The following CTLA4 variants were observed in gnomAD, a reference collection of about 807,000 sequenced individuals.
CTLA4 encodes cytotoxic T-lymphocyte protein 4.
A neutral mutation model predicts 20.4 loss-of-function variants in CTLA4; 3 were observed. The ratio of observed to expected loss-of-function variants is 0.15; its 90% CI spans 0.07 to 0.38. The LOEUF (loss-of-function observed/expected upper bound fraction) is 0.38. CTLA4 is among the 10% of genes least tolerant of loss of function. The probability of loss-of-function intolerance (pLI) is 1.00; values close to 1 mark genes in which losing one functional copy is unlikely to be tolerated. For missense variants in CTLA4, 184 were observed against 276.8 expected (o/e 0.66, Z 2.38); for synonymous variants, 100 against 105.2 (o/e 0.95, Z 0.30).
chr2:203,872,270 G>T (rs1347540850), intron 3 of CTLA4, among the ~76,000 whole-genome samples: 1 of 151,728 alleles, frequency 6.6e-6, no homozygotes, highest in East Asian at 1.9e-4. Context: ...CATACACAAA[G>T]ATATACTCTA....
intron 3 of CTLA4, 105 bp downstream of exon 3, chr2:203,871,592 G>T: frequency 1.2e-6 from 1 of 867,268 alleles, no homozygotes; most frequent in Admixed American, 1.9e-5. Flanking sequence ...ATGAGATGAG[G>T]CAATAAATGA....
rs74808460 is a variant in CTLA4, at chr2:203,872,755, C to G, written c.615C>G (p.Pro205=). The G allele has an allele frequency of 2.4e-5, 39 of 1,613,654 alleles. No individual in the cohort carries two copies. The East Asian group carries it at 6.7e-4, about 28-fold the overall frequency. Residue 205 remains proline (P), a synonymous_variant, in exon 4 of 4, where the codon CCC becomes CCG. Coordinates refer to ENST00000648405, the MANE Select transcript of CTLA4 (RefSeq NM_005214.5). ...CAACAGGGGTCTATGTGAAAATGCC[C>G]CCAACAGAGCCAGAATGTGAAAAGC... ...PLTTGVYVKM[P]PTEPECEKQF...
At position 203,870,786 on chromosome 2, in the gene CTLA4, A is replaced by T; in HGVS notation, c.310A>T (p.Thr104Ser). The T allele has an allele frequency of 6.2e-7, 1 of 1,614,190 alleles. No individual in the cohort carries two copies. The highest frequency in any genetic ancestry group is 2.2e-5 in the East Asian group (1 of 44,878). Reference sequence around the variant, plus strand: ...GACCTTCCTAGATGATTCCATCTGCACGGGCACCTCCAGTGGAAATCAAGT... The same window carrying T: ...GACCTTCCTAGATGATTCCATCTGCTCGGGCACCTCCAGTGGAAATCAAGT... Reference protein sequence around the residue: ...ELTFLDDSICTGTSSGNQVNL... With the variant: ...ELTFLDDSICSGTSSGNQVNL... Residue 104 changes from threonine to serine, a missense_variant, in exon 2 of 4, where the codon ACG becomes TCG. By Grantham distance (58) the Thr-to-Ser change is moderately conservative. Around this residue, in one of 3 missense-constraint regions of CTLA4, gnomAD observed 147 missense variants for 223.4 expected, o/e 0.66. Coordinates refer to ENST00000648405, the MANE Select transcript of CTLA4 (RefSeq NM_005214.5). This position sits in a 1 kb window ranked among gnomAD's most constrained non-coding sequence, Gnocchi z 5.3.
rs1260593530 is a variant in CTLA4 at position 203,872,908 on chromosome 2, A to T, written c.*96A>T. The T allele has an allele frequency of 1.3e-6, 1 of 788,894 alleles. No homozygotes were observed. Among genetic ancestry groups the T allele is most frequent in the Non-Finnish European group, 2.1e-6 (1 of 468,728 alleles). 48.9% of individuals were successfully genotyped at this position (788,894 alleles called of 1,614,324 possible). On this transcript the variant is annotated 3_prime_UTR_variant, in exon 4 of 4. Transcript: ENST00000648405. ...TCCAGCTATTTTTATTTGTTTGTGC[A>T]TTTGGGGGGAATTCATCTCTCTTTA...
At chr2:203,871,092 G>A (rs562375170) in intron 2 of CTLA4, among the ~76,000 whole-genome samples, 159 bp downstream of exon 2, 1 of 152,288 alleles carries the variant, frequency 6.6e-6, no homozygotes, top group East Asian at 1.9e-4. Flanking sequence ...ATTGTGGGTG[G>A]CAACCTTAAT....
chr2:203,868,127 A>T (rs231776), intron 1 of CTLA4, 76 bp downstream of exon 1: 1 of 1,180,224 alleles, frequency 8.5e-7, no homozygotes, highest in African/African-American at 1.5e-5. Flanking sequence ...CAGCAGTCAA[A>T]GGCAGTGATT....
At position 203,872,981 on chromosome 2, in the gene CTLA4, G is replaced by T. The variant is rs553888670; in HGVS notation, c.*169G>T. Reference sequence around the variant, plus strand: ...CAAATTACGTGTACTACAATTTAAAGCAAAGGAGTAGAAAGACAGAGCTGG... The same window carrying T: ...CAAATTACGTGTACTACAATTTAAATCAAAGGAGTAGAAAGACAGAGCTGG... On this transcript the variant is annotated 3_prime_UTR_variant, in exon 4 of 4. Transcript: ENST00000648405. 5.0e-6 allele frequency: 3 copies of T among 602,032 alleles called. No individual in the cohort carries two copies. Among genetic ancestry groups the T allele is most frequent in the Non-Finnish European group, 3.0e-6 (1 of 338,584 alleles). The allele number at this position is 602,032 out of a possible 1,614,324, so 37.3% of individuals were successfully genotyped here.
intron 1 of CTLA4, 53 bp downstream of exon 1, chr2:203,868,104 G>T: frequency 7.5e-7 from 1 of 1,325,462 alleles, no homozygotes; most frequent in Non-Finnish European, 1.1e-6. Context: ...TCCTACCTGG[G>T]TTTCATTTGT....
At chr2:203,869,430 C>T (rs1688687923) in intron 1 of CTLA4, among the ~76,000 whole-genome samples, 1 of 152,194 alleles carries the variant, frequency 6.6e-6, no homozygotes, top group African/African-American at 2.4e-5. Context: ...TGCTGCCAAA[C>T]TGTTTTCTCT....
In CTLA4 at chr2:203,867,886, G is replaced by T. The variant is rs1303896316; in HGVS notation, c.-57G>T. 17 of 1,295,108 alleles carry T rather than the reference G, an allele frequency of 1.3e-5. No individual in the cohort carries two copies. Among genetic ancestry groups the T allele is most frequent in the Non-Finnish European group, 1.8e-5 (16 of 897,410 alleles). 80.2% of individuals were successfully genotyped at this position (1,295,108 alleles called of 1,614,324 possible). A position where few individuals can be genotyped will look rare whatever the true frequency, so the allele number is the denominator to read the frequency against. ...GTTCAAACACATTTCAAAGCTTCAGGATCCTGAAAGGTTTTGCTCTACTTC... is the reference window on the plus strand; with the variant it reads ...GTTCAAACACATTTCAAAGCTTCAGTATCCTGAAAGGTTTTGCTCTACTTC... On this transcript the variant is annotated 5_prime_UTR_variant, in exon 1 of 4. Transcript: ENST00000648405.
intron 3 of CTLA4, among the ~76,000 whole-genome samples, chr2:203,872,341 A>G (rs1688748467): frequency 6.6e-6 from 1 of 152,148 alleles, no homozygotes; most frequent in Admixed American, 6.5e-5. Flanking sequence ...AGCAGTGGGG[A>G]TGAGAAATAC....
rs1559592752 is a variant in CTLA4, at chr2:203,873,339, TA to T, written c.*528del. ...TATTGCATATATACATATATATATA[TA>T]TATATATATATATATATATATATAT... On this transcript the variant is annotated 3_prime_UTR_variant, in exon 4 of 4. Coordinates refer to ENST00000648405, the MANE Select transcript of CTLA4 (RefSeq NM_005214.5). 8 of 3,970 alleles carry T rather than the reference TA, an allele frequency of 2.0e-3. 1 individual carries two copies. The highest frequency in any genetic ancestry group is 6.8e-3 in the Admixed American group (2 of 294). 0.2% of individuals were successfully genotyped at this position (3,970 alleles called of 1,614,324 possible).
chr2:203,872,065 G>A (rs1372350499), intron 3 of CTLA4, among the ~76,000 whole-genome samples: 1 of 152,150 alleles, frequency 6.6e-6, no homozygotes, highest in Admixed American at 6.5e-5. Context: ...TGTTGGTATT[G>A]GTGGTAGAAG....
chr2:203,872,978 A>G lies in CTLA4; in HGVS notation c.*166A>G, dbSNP rs1258923907. 12 of 603,344 alleles carry G rather than the reference A, an allele frequency of 2.0e-5. No individual in the cohort carries two copies. Among genetic ancestry groups the G allele is most frequent in the African/African-American group, 1.9e-4 (10 of 54,012 alleles). The allele number at this position is 603,344 out of a possible 1,614,324, so 37.4% of individuals were successfully genotyped here. A position where few individuals can be genotyped will look rare whatever the true frequency, so the allele number is the denominator to read the frequency against. ...ACCCAAATTACGTGTACTACAATTT[A>G]AAGCAAAGGAGTAGAAAGACAGAGC... On this transcript the variant is annotated 3_prime_UTR_variant, in exon 4 of 4. Coordinates refer to ENST00000648405, the MANE Select transcript of CTLA4 (RefSeq NM_005214.5).
chr2:203,871,314 TG>T lies in CTLA4; in HGVS notation c.458-60del, dbSNP rs1375254660. The T allele has an allele frequency of 2.2e-6, 3 of 1,391,758 alleles. No homozygotes were observed. In the African/African-American group the frequency reaches 4.3e-5, roughly 20 times the overall value. The allele number at this position is 1,391,758 out of a possible 1,614,324, so 86.2% of individuals were successfully genotyped here. On this transcript the variant is annotated intron_variant, in intron 2 of 3. Coordinates refer to ENST00000648405, the MANE Select transcript of CTLA4 (RefSeq NM_005214.5). ...TCTAATGTCCTTTTTTCACCAATGT[TG>T]GGGAGTAGAGCCCTAGAGTTTAAAA... is the stretch of plus-strand genomic sequence containing the variant.
At chr2:203,868,913 A>T (rs1299557906) in intron 1 of CTLA4, among the ~76,000 whole-genome samples, 1 of 152,194 alleles carries the variant, frequency 6.6e-6, no homozygotes, top group East Asian at 1.9e-4. Context: ...AAGATATTTG[A>T]TGATTTAATT....
chr2:203,868,922 T>C (rs1237740592), intron 1 of CTLA4, among the ~76,000 whole-genome samples: 2 of 152,242 alleles, frequency 1.3e-5, no homozygotes, highest in African/African-American at 4.8e-5. Flanking sequence ...GATGATTTAA[T>C]TTTTACTGGA....
At chr2:203,871,811 GA>G (rs1270884104) in intron 3 of CTLA4, among the ~76,000 whole-genome samples, 1 of 152,196 alleles carries the variant, frequency 6.6e-6, no homozygotes, top group African/African-American at 2.4e-5. Flanking sequence ...TAACAGCCCT[GA>G]AACATGAGAT....
chr2:203,871,571 G>T (rs1031781711), intron 3 of CTLA4, 84 bp downstream of exon 3: 3 of 1,079,618 alleles, frequency 2.8e-6, no homozygotes, highest in Non-Finnish European at 2.9e-6. Flanking sequence ...GTTGAGTTTA[G>T]TGTTCTTGAG....
Sources: allele counts gnomAD v4.1 joint callset (sites outside exome capture counted in the v4.1 genomes callset), GRCh38; gene constraint gnomAD v4.1.1; regional missense constraint gnomAD v4.1.1; non-coding constraint Gnocchi (gnomAD v3.1); transcripts MANE v1.5; gene names NCBI Gene and HGNC (gene_info 2026-07-23, HGNC 2026-07-21).